Variants in HABP4 observed in about 807,000 individuals in gnomAD.
HABP4 encodes intracellular hyaluronan-binding protein 4.
A neutral mutation model predicts 44.1 loss-of-function variants in HABP4; 32 were observed. The ratio of observed to expected loss-of-function variants is 0.73; its 90% CI spans 0.55 to 0.97. The LOEUF is 0.97. Ranked by LOEUF, HABP4 falls within the 50% of genes least tolerant of loss-of-function variation. The pLI is 0.00. For missense variants in HABP4, 503 were observed against 561.9 expected, an observed-to-expected ratio of 0.90 and a Z score of 1.06; for synonymous variants, 216 against 218.0, an observed-to-expected ratio of 0.99 and a Z score of 0.08.
At chr9:96,466,291 AC>A (rs1832600500) in intron 4 of HABP4, among the ~76,000 whole-genome samples, 1 of 152,018 alleles carries the variant, frequency 6.6e-6, no homozygotes, top group African/African-American at 2.4e-5. Flanking sequence ...AATTGCTTGA[AC>A]CTGGGAGGCA....
intron 4 of HABP4, among the ~76,000 whole-genome samples, chr9:96,467,222 C>G (rs1832616732): frequency 6.6e-6 from 1 of 152,062 alleles, no homozygotes; most frequent in Non-Finnish European, 1.5e-5. Context: ...TGTGCCTGGC[C>G]AGAATATAAG....
At chr9:96,486,117 G>A (rs1198982329) in intron 6 of HABP4, among the ~76,000 whole-genome samples, 2 of 152,168 alleles carry the variant, frequency 1.3e-5, no homozygotes, top group East Asian at 3.9e-4. Flanking sequence ...GCTTGAACCC[G>A]GGAAGCAGAG....
intron 5 of HABP4, among the ~76,000 whole-genome samples, chr9:96,477,763 G>C (rs928215480): frequency 6.6e-6 from 1 of 152,114 alleles, no homozygotes; most frequent in African/African-American, 2.4e-5. Context: ...TACAAGCTTT[G>C]ATATATTTGT....
intron 1 of HABP4, among the ~76,000 whole-genome samples, chr9:96,451,790 A>G (rs779772984): frequency 2.8e-4 from 43 of 152,204 alleles, no homozygotes; most frequent in Admixed American, 7.9e-4. Context: ...AGGCCAGTAA[A>G]TTTCTGAGCC....
intron 1 of HABP4, among the ~76,000 whole-genome samples, chr9:96,457,114 G>C (rs12003300): frequency 6.6e-6 from 1 of 151,866 alleles, no homozygotes; most frequent in African/African-American, 2.4e-5. Flanking sequence ...CCAGAGTCTC[G>C]GCCGGGCACG....
At chr9:96,470,878 G>C in intron 4 of HABP4, 133 bp from the exon 5 acceptor site, 1 of 581,320 alleles carries the variant, frequency 1.7e-6, no homozygotes, top group Non-Finnish European at 3.1e-6. Context: ...CTGGGCGACA[G>C]AGTGAGACTC....
intron 2 of HABP4, among the ~76,000 whole-genome samples, chr9:96,459,377 A>G (rs373540576): frequency 6.6e-6 from 1 of 152,162 alleles, no homozygotes. Context: ...GTACTCTAAC[A>G]TGGACAGAAG....
intron 2 of HABP4, among the ~76,000 whole-genome samples, chr9:96,463,052 T>TCCCACTTC (rs1234289048): frequency 3.3e-5 from 5 of 150,420 alleles, no homozygotes; most frequent in Admixed American, 3.3e-4. Context: ...CAAGTAATCC[T>TCCCACTTC]CCCACTTCAG....
In HABP4 at chr9:96,490,185, T is replaced by C. The variant is rs1490933239; in HGVS notation, c.*147T>C. On this transcript the variant is annotated 3_prime_UTR_variant, in exon 8 of 8. Coordinates refer to ENST00000375249, the MANE Select transcript of HABP4 (RefSeq NM_014282.4). Reference sequence around the variant, plus strand: ...TTTGTTGCACTTTTTTGGGCTGAGCTGTTAGAGGGGCTTCTCCAGAGGCTC... The same window carrying C: ...TTTGTTGCACTTTTTTGGGCTGAGCCGTTAGAGGGGCTTCTCCAGAGGCTC... 1.6e-6 allele frequency: 1 copy of C among 638,464 alleles called. No individual in the cohort carries two copies. The highest frequency in any genetic ancestry group is 2.8e-6 in the Non-Finnish European group (1 of 352,010). The allele number at this position is 638,464 out of a possible 1,614,324, so 39.5% of individuals were successfully genotyped here.
At chr9:96,479,899 C>G (rs1165208265) in intron 5 of HABP4, among the ~76,000 whole-genome samples, 1 of 152,108 alleles carries the variant, frequency 6.6e-6, no homozygotes, top group Non-Finnish European at 1.5e-5. Context: ...GGTGCGGTGG[C>G]TCATGCCTGT....
rs139947744 is a variant in HABP4 at position 96,489,637 on chromosome 9, C to T, written c.1186-345C>T. 3.9e-5 allele frequency among the ~76,000 whole-genome samples: 6 copies of T among 152,352 alleles called. No homozygotes were observed. The East Asian group carries it at 5.8e-4, about 15-fold the overall frequency. On this transcript the variant is annotated intron_variant, in intron 7 of 7. Coordinates refer to ENST00000375249, the MANE Select transcript of HABP4 (RefSeq NM_014282.4). ...ATTCGATGGTCAGTTTCTCCAGCAC[C>T]GTGAGCTCCCCGAGGATAGGCACTG...
At chr9:96,464,496 G>A (rs530524025) in intron 2 of HABP4, among the ~76,000 whole-genome samples, 1 of 152,314 alleles carries the variant, frequency 6.6e-6, no homozygotes, top group East Asian at 1.9e-4. Context: ...AGAGGCAGAC[G>A]GAGAACTTTT....
At chr9:96,456,841 G>C (rs1191266892) in intron 1 of HABP4, among the ~76,000 whole-genome samples, 2 of 116,302 alleles carry the variant, frequency 1.7e-5, no homozygotes, top group African/African-American at 3.3e-5. Flanking sequence ...TTGAATAAAT[G>C]TCATAGCTAT....
intron 1 of HABP4, among the ~76,000 whole-genome samples, chr9:96,453,295 C>T (rs909201573): frequency 2.0e-5 from 3 of 151,908 alleles, no homozygotes; most frequent in East Asian, 1.9e-4. Context: ...AGGATGGTCT[C>T]GATCTCTTGA....
chr9:96,465,586 T>G, intron 3 of HABP4, 88 bp downstream of exon 3: 2 of 1,150,018 alleles, frequency 1.7e-6, no homozygotes, highest in Non-Finnish European at 2.6e-6. Flanking sequence ...TAGTTAACTT[T>G]ATAGTACTGT....
chr9:96,452,020 G>T (rs894978202), intron 1 of HABP4, among the ~76,000 whole-genome samples: 3 of 152,092 alleles, frequency 2.0e-5, no homozygotes, highest in African/African-American at 7.2e-5. Context: ...GAGGTTAGGA[G>T]ATCGAGACCA....
At chr9:96,453,194 G>A (rs1391841654) in intron 1 of HABP4, among the ~76,000 whole-genome samples, 14 of 151,062 alleles carry the variant, frequency 9.3e-5, no homozygotes, top group Non-Finnish European at 1.9e-4. Context: ...AGCCTCCTGG[G>A]TAGCTGGGAC....
chr9:96,480,002 C>A (rs901939545), intron 5 of HABP4, among the ~76,000 whole-genome samples: 1 of 151,974 alleles, frequency 6.6e-6, no homozygotes, highest in African/African-American at 2.4e-5. Context: ...CTCCCCCACC[C>A]AGTCTCTACA....
At chr9:96,454,543 C>T (rs1457052284) in intron 1 of HABP4, among the ~76,000 whole-genome samples, 8 of 151,706 alleles carry the variant, frequency 5.3e-5, no homozygotes, top group Non-Finnish European at 7.4e-5. Flanking sequence ...CTCCACCTCC[C>T]GAGTTCAGCC....
Sources: allele counts gnomAD v4.1 joint callset (sites outside exome capture counted in the v4.1 genomes callset), GRCh38; gene constraint gnomAD v4.1.1; transcripts MANE v1.5; gene names NCBI Gene and HGNC (gene_info 2026-07-23, HGNC 2026-07-21).